The following NRG3 variants were observed in gnomAD, a reference collection of about 807,000 sequenced individuals.
NRG3 encodes neuregulin 3.
NRG3 carries 31 observed loss-of-function variants against 66.9 expected under a neutral mutation model. The ratio of observed to expected loss-of-function variants is 0.46; its 90% CI spans 0.35 to 0.63. The LOEUF (loss-of-function observed/expected upper bound fraction) is 0.63. NRG3 is among the 20% of genes least tolerant of loss of function. NRG3 has a pLI of 0.00. For synonymous variants in NRG3, 393 were observed against 359.4 expected (o/e 1.09, Z -1.06); for missense variants, 910 against 878.9 (o/e 1.04, Z -0.45).
At chr10:82,713,119 C>CAAAAA (rs369968319) in intron 2 of NRG3, among the ~76,000 whole-genome samples, 2 of 55,342 alleles carry the variant, frequency 3.6e-5, no homozygotes, top group African/African-American at 7.5e-5. Context: ...GACTTCATCT[C>CAAAAA]AAAAAAAAAA....
chr10:82,955,075 C>T (rs1849911830), intron 5 of NRG3: 3 of 151,892 alleles, frequency 2.0e-5, no homozygotes, highest in African/African-American at 7.3e-5. Flanking sequence ...GGAGCTGAGA[C>T]TTAGCTCAAA....
intron 2 of NRG3, among the ~76,000 whole-genome samples, chr10:82,504,528 G>T (rs532430665): frequency 3.9e-5 from 6 of 152,290 alleles, no homozygotes; most frequent in African/African-American, 1.4e-4. Flanking sequence ...GACCCTAAGG[G>T]CAAATTGATA....
At chr10:82,346,317 G>A (rs1320412029) in intron 1 of NRG3, among the ~76,000 whole-genome samples, 2 of 149,224 alleles carry the variant, frequency 1.3e-5, no homozygotes, top group Non-Finnish European at 2.9e-5. Flanking sequence ...CATCTATTGA[G>A]ATAATCATGT....
intron 1 of NRG3, among the ~76,000 whole-genome samples, chr10:82,353,556 C>T (rs1452921344): frequency 6.6e-6 from 1 of 152,136 alleles, no homozygotes; most frequent in Non-Finnish European, 1.5e-5. Context: ...GCAAAGCACT[C>T]TCCCTGACCT....
intron 2 of NRG3, among the ~76,000 whole-genome samples, chr10:82,557,759 A>G (rs1209853060): frequency 6.6e-6 from 1 of 152,172 alleles, no homozygotes; most frequent in Non-Finnish European, 1.5e-5. Context: ...CATGTTTCTA[A>G]GTCCTGTAAT....
In NRG3 at chr10:82,981,022, G is replaced by A. The variant is rs146383701; in HGVS notation, c.1583+1902G>A. On this transcript the variant is annotated intron_variant, in intron 8 of 8. Coordinates refer to ENST00000372141, the MANE Select transcript of NRG3 (RefSeq NM_001010848.4). The stretch of plus-strand genomic sequence containing the variant: ...AGGGAAAATCAACTTCAGAGATTTT[G>A]TGAGTGGACAAAAAACCCAGCTCAT... Among the ~76,000 whole-genome samples the A allele has an allele frequency of 8.5e-5, 13 of 152,286 alleles. No homozygotes were observed. The East Asian group carries it at 2.3e-3, about 27-fold the overall frequency.
At chr10:82,425,087 C>T (rs2089335149) in intron 2 of NRG3, among the ~76,000 whole-genome samples, 1 of 151,950 alleles carries the variant, frequency 6.6e-6, no homozygotes, top group Admixed American at 6.6e-5. Flanking sequence ...AGTGTGGGTC[C>T]TCTGCTTTGT....
intron 1 of NRG3, among the ~76,000 whole-genome samples, chr10:82,206,999 T>G (rs2075152013): frequency 6.6e-6 from 1 of 152,210 alleles, no homozygotes; most frequent in Admixed American, 6.5e-5. Flanking sequence ...TCATACTTTC[T>G]GTTCTTGGCT....
At chr10:82,127,244 G>T (rs75948710) in intron 1 of NRG3, among the ~76,000 whole-genome samples, 6 of 152,172 alleles carry the variant, frequency 3.9e-5, no homozygotes, top group Admixed American at 1.3e-4. Context: ...TGATGGGGCT[G>T]GGGGAGTGGA....
intron 2 of NRG3, among the ~76,000 whole-genome samples, chr10:82,730,366 G>A (rs2057838784): frequency 6.6e-6 from 1 of 152,052 alleles, no homozygotes; most frequent in Non-Finnish European, 1.5e-5. Context: ...TTACAGGTGT[G>A]AGCTACCGTG....
chr10:82,571,167 T>C (rs2045711630), intron 2 of NRG3, among the ~76,000 whole-genome samples: 1 of 151,584 alleles, frequency 6.6e-6, no homozygotes, highest in African/African-American at 2.4e-5. Context: ...TAAACTCCCT[T>C]ATTTAATTGT....
At chr10:82,674,695 G>A (rs1258807892) in intron 2 of NRG3, among the ~76,000 whole-genome samples, 1 of 152,070 alleles carries the variant, frequency 6.6e-6, no homozygotes, top group Non-Finnish European at 1.5e-5. Flanking sequence ...CAGGTAAAGT[G>A]AGAATGTTGT....
At chr10:82,765,349 CCAAA>C (rs2059474677) in intron 3 of NRG3, among the ~76,000 whole-genome samples, 1 of 151,762 alleles carries the variant, frequency 6.6e-6, no homozygotes, top group Non-Finnish European at 1.5e-5. Context: ...TATAAGTAAA[CCAAA>C]CAATCAAAAA....
chr10:82,146,633 A>G (rs187220981), intron 1 of NRG3, among the ~76,000 whole-genome samples: 4 of 152,278 alleles, frequency 2.6e-5, no homozygotes, highest in Admixed American at 6.5e-5. Context: ...AATATTGACC[A>G]TATGCTTTTC....
At chr10:82,866,134 A>C (rs1436203225) in intron 4 of NRG3, among the ~76,000 whole-genome samples, 4 of 152,156 alleles carry the variant, frequency 2.6e-5, no homozygotes, top group African/African-American at 9.7e-5. Context: ...TTCAATATGC[A>C]TCGTAGTACA....
chr10:82,038,526 A>G (rs1564759269), intron 1 of NRG3, among the ~76,000 whole-genome samples: 1 of 152,306 alleles, frequency 6.6e-6, no homozygotes, highest in East Asian at 1.9e-4. Flanking sequence ...TCAGACTACT[A>G]GAAGTCACAA....
Position 81,929,917 on chromosome 10 carries a change from A to G in NRG3, c.823+53754A>G, listed in dbSNP as rs1488978853. ...AATTTTATCTAAATACTAAATATCC[A>G]TAAAAGAAACCTCGGTAATCAGGCC... On this transcript the variant is annotated intron_variant, in intron 1 of 8. Coordinates refer to ENST00000372141, the MANE Select transcript of NRG3 (RefSeq NM_001010848.4). Among the ~76,000 whole-genome samples the G allele has an allele frequency of 3.9e-5, 6 of 152,332 alleles. No individual in the cohort carries two copies. In the East Asian group the frequency reaches 1.2e-3, roughly 29 times the overall value.
At chr10:82,826,736 C>A (rs981944514) in intron 3 of NRG3, among the ~76,000 whole-genome samples, 5 of 151,974 alleles carry the variant, frequency 3.3e-5, no homozygotes, top group African/African-American at 1.2e-4. Context: ...AAGATGGGAA[C>A]AACAGACACT....
At chr10:82,098,048 C>CGT (rs139999551) in intron 1 of NRG3, among the ~76,000 whole-genome samples, 7 of 138,042 alleles carry the variant, frequency 5.1e-5, no homozygotes, top group Non-Finnish European at 1.1e-4. Flanking sequence ...TAGTCTGCCA[C>CGT]ATATATACAC....
Sources: gnomAD v4.1 joint callset for allele counts (sites outside exome capture counted in the v4.1 genomes callset) on GRCh38, gnomAD v4.1.1 for gene constraint, MANE v1.5 for transcripts, NCBI Gene and HGNC (gene_info 2026-07-23, HGNC 2026-07-21) for gene names.